Variants in AFG2A observed in about 807,000 individuals in gnomAD.
The protein encoded by AFG2A is ATPase family gene 2 protein homolog A.
the AFG2A span, among the ~76,000 whole-genome samples, chr4:122,991,457 T>G: frequency 1.3e-5 from 2 of 152,210 alleles, no homozygotes; most frequent in Middle Eastern, 3.2e-3. Context: ...ACCAGACATG[T>G]GACATCATGC....
chr4:123,026,094 C>T, the AFG2A span, among the ~76,000 whole-genome samples: 61 of 125,674 alleles, frequency 4.9e-4, no homozygotes, highest in African/African-American at 1.9e-3. Context: ...AATAAGACCT[C>T]GTGTATGTGT....
chr4:123,072,757 A>G, the AFG2A span, among the ~76,000 whole-genome samples: 5 of 151,922 alleles, frequency 3.3e-5, no homozygotes, highest in African/African-American at 1.2e-4. Context: ...CCAGTCTAAC[A>G]TGGATTTCTT....
chr4:123,134,352 A>G, the AFG2A span, among the ~76,000 whole-genome samples: 1 of 152,192 alleles, frequency 6.6e-6, no homozygotes, highest in Non-Finnish European at 1.5e-5. Context: ...CACTTATTGT[A>G]GAGACTGTCC....
the AFG2A span, among the ~76,000 whole-genome samples, chr4:123,285,525 C>T: frequency 6.6e-6 from 1 of 152,300 alleles, no homozygotes; most frequent in African/African-American, 2.4e-5. Flanking sequence ...CCTATGCCAC[C>T]TCTGTGCCTT....
At chr4:122,934,395 G>C in the AFG2A span, 1 of 1,614,214 alleles carries the variant, frequency 6.2e-7, no homozygotes, top group Non-Finnish European at 8.5e-7. Context: ...GTGATGTTTT[G>C]CTGGATGTTA....
At chr4:122,958,027 G>A in the AFG2A span, among the ~76,000 whole-genome samples, 4 of 152,080 alleles carry the variant, frequency 2.6e-5, no homozygotes, top group Admixed American at 2.6e-4. Context: ...TTAGAGTTGA[G>A]CTTAGTTTTG....
the AFG2A span, among the ~76,000 whole-genome samples, chr4:123,076,987 G>A: frequency 1.3e-5 from 2 of 151,100 alleles, no homozygotes; most frequent in South Asian, 4.2e-4. Context: ...GTGGTGGTGG[G>A]GCGGGGGGGT....
chr4:122,944,380 T>A, the AFG2A span, among the ~76,000 whole-genome samples: 1 of 152,194 alleles, frequency 6.6e-6, no homozygotes, highest in East Asian at 1.9e-4. Flanking sequence ...CTTCATTTCA[T>A]TCATGTCATC....
At chr4:123,052,803 A>G in the AFG2A span, among the ~76,000 whole-genome samples, 2 of 152,198 alleles carry the variant, frequency 1.3e-5, no homozygotes, top group Non-Finnish European at 2.9e-5. Context: ...TAAGCTGAGG[A>G]GCAATGAAAC....
At chr4:123,238,922 G>T in the AFG2A span, among the ~76,000 whole-genome samples, 1 of 152,122 alleles carries the variant, frequency 6.6e-6, no homozygotes, top group South Asian at 2.1e-4. Context: ...CCATTGCGAG[G>T]AAGCTAAAAA....
the AFG2A span, among the ~76,000 whole-genome samples, chr4:123,071,239 G>A: frequency 6.6e-6 from 1 of 152,180 alleles, no homozygotes; most frequent in African/African-American, 2.4e-5. Context: ...CCAGCACTTT[G>A]GGAGGCCAAG....
chr4:123,271,592 C>G, the AFG2A span, among the ~76,000 whole-genome samples: 1 of 152,104 alleles, frequency 6.6e-6, no homozygotes, highest in Non-Finnish European at 1.5e-5. Context: ...CCTGCCAGCC[C>G]CATTTTATGT....
the AFG2A span, among the ~76,000 whole-genome samples, chr4:123,036,661 T>C: frequency 6.6e-6 from 1 of 152,166 alleles, no homozygotes; most frequent in African/African-American, 2.4e-5. Context: ...ATTTTACAAC[T>C]TGCCTAATTG....
At chr4:123,115,879 T>C in the AFG2A span, among the ~76,000 whole-genome samples, 1 of 152,296 alleles carries the variant, frequency 6.6e-6, no homozygotes, top group African/African-American at 2.4e-5. Flanking sequence ...GACTAGCAGC[T>C]TAAGAATCAT....
chr4:123,113,747 C>G, the AFG2A span, among the ~76,000 whole-genome samples: 1 of 152,236 alleles, frequency 6.6e-6, no homozygotes, highest in African/African-American at 2.4e-5. Context: ...GGCGCCTTTG[C>G]CTGAGTTCTT....
chr4:123,014,577 C>A, the AFG2A span, among the ~76,000 whole-genome samples: 3 of 151,922 alleles, frequency 2.0e-5, no homozygotes, highest in African/African-American at 7.3e-5. Context: ...GATCTGAGGA[C>A]AGTGCTAAGT....
chr4:123,178,394 A>G, the AFG2A span, among the ~76,000 whole-genome samples: 3 of 152,184 alleles, frequency 2.0e-5, no homozygotes, highest in African/African-American at 4.8e-5. Flanking sequence ...TTCCTTGTCT[A>G]TTAGGAACTG....
the AFG2A span, among the ~76,000 whole-genome samples, chr4:123,212,975 G>C: frequency 3.2e-4 from 49 of 152,238 alleles, no homozygotes; most frequent in Non-Finnish European, 6.8e-4. Flanking sequence ...GCCATTAACA[G>C]CATAATCATA....
chr4:123,150,021 A>C, the AFG2A span, among the ~76,000 whole-genome samples: 1 of 152,084 alleles, frequency 6.6e-6, no homozygotes, highest in Admixed American at 6.5e-5. Context: ...CAATGACAAA[A>C]ACCACATGAT....
Sources: allele counts gnomAD v4.1 joint callset (sites outside exome capture counted in the v4.1 genomes callset), GRCh38; gene constraint gnomAD v4.1.1; transcripts MANE v1.5; gene names NCBI Gene and HGNC (gene_info 2026-07-23, HGNC 2026-07-21).